The following CLEC16A variants were observed in gnomAD, a reference collection of about 807,000 sequenced individuals.
The protein encoded by CLEC16A is protein CLEC16A.
A neutral mutation model predicts 109.5 loss-of-function variants in CLEC16A; 51 were observed. The observed-to-expected ratio is 0.47, with a 90% CI of 0.37 to 0.59. The LOEUF is 0.59. Ranked by LOEUF, CLEC16A falls within the 20% of genes least tolerant of loss-of-function variation. CLEC16A has a pLI of 0.00. For synonymous variants in CLEC16A, 673 were observed against 564.2 expected, an observed-to-expected ratio of 1.19 and a Z score of -2.73; for missense variants, 1,339 against 1,394.0, an observed-to-expected ratio of 0.96 and a Z score of 0.63.
intron 22 of CLEC16A, chr16:11,157,174 T>A: frequency 7.9e-7 from 1 of 1,267,346 alleles, no homozygotes; most frequent in South Asian, 1.3e-5. Flanking sequence ...TTTTGTATGT[T>A]GGACATGTTA....
chr16:11,130,297 C>G (rs1016554263), intron 22 of CLEC16A, among the ~76,000 whole-genome samples: 1 of 152,194 alleles, frequency 6.6e-6, no homozygotes, highest in African/African-American at 2.4e-5. Context: ...AAGGCCTTCT[C>G]CCTTCTCTGA....
intron 13 of CLEC16A, among the ~76,000 whole-genome samples, chr16:11,034,876 A>G (rs1219354906): frequency 2.6e-5 from 4 of 152,180 alleles, no homozygotes; most frequent in Non-Finnish European, 5.9e-5. Flanking sequence ...TCTGTGACCA[A>G]AAACCACGGG....
intron 19 of CLEC16A, among the ~76,000 whole-genome samples, chr16:11,100,898 G>A (rs1207884870): frequency 6.6e-6 from 1 of 152,118 alleles, no homozygotes; most frequent in South Asian, 2.1e-4. Flanking sequence ...CATTGTGCTG[G>A]TACAGTTTAT....
chr16:11,178,734 G>T lies in CLEC16A; in HGVS notation c.*44G>T. ...CTTTGTGTGTGTGGCCCCGCTGGTA[G>T]GGACCCCAGTGCCGCTGACTGGCAA... On this transcript the variant is annotated 3_prime_UTR_variant, in exon 24 of 24. Coordinates refer to ENST00000409790, the MANE Select transcript of CLEC16A (RefSeq NM_015226.3). This position sits in a 1 kb window ranked among gnomAD's most constrained non-coding sequence, Gnocchi z 6.5. 7.2e-7 allele frequency: 1 copy of T among 1,393,672 alleles called. No individual in the cohort carries two copies. The highest frequency in any genetic ancestry group is 1.5e-5 in the South Asian group (1 of 67,728). The allele number at this position is 1,393,672 out of a possible 1,614,324, so 86.3% of individuals were successfully genotyped here.
chr16:11,051,649 A>T lies in CLEC16A; in HGVS notation c.1995+8A>T. On this transcript the variant is annotated splice_region_variant and intron_variant, in intron 18 of 23. Transcript: ENST00000409790. ...GTGGAGAAGACCCGGCGGGTGAGTG[A>T]GCACAGGACCTGTCATCTCCTGGGC... is the stretch of plus-strand genomic sequence containing the variant. 6.2e-7 allele frequency: 1 copy of T among 1,612,974 alleles called. No individual in the cohort carries two copies.
chr16:11,049,657 C>T (rs998099861), intron 17 of CLEC16A, among the ~76,000 whole-genome samples: 12 of 152,254 alleles, frequency 7.9e-5, no homozygotes, highest in African/African-American at 2.9e-4. Context: ...CCCTCCAAGG[C>T]CAGCTGCTGT....
chr16:11,068,149 A>C (rs953524811), intron 19 of CLEC16A, among the ~76,000 whole-genome samples: 3 of 152,178 alleles, frequency 2.0e-5, no homozygotes, highest in African/African-American at 7.2e-5. Flanking sequence ...GACTTTGGAC[A>C]AATCTATTCC....
At chr16:11,016,846 C>G (rs913087470) in intron 11 of CLEC16A, among the ~76,000 whole-genome samples, 10 of 152,180 alleles carry the variant, frequency 6.6e-5, no homozygotes, top group Non-Finnish European at 1.3e-4. Context: ...TGTCCACACA[C>G]CACTTAGAAA....
chr16:11,147,005 CAGGTGTCTGGGA>C (rs2054089078), intron 22 of CLEC16A, among the ~76,000 whole-genome samples: 1 of 152,098 alleles, frequency 6.6e-6, no homozygotes. Flanking sequence ...TGACCCAGAC[CAGGTGTCTGGGA>C]AGGCTTCTCT....
intron 10 of CLEC16A, among the ~76,000 whole-genome samples, chr16:10,987,335 G>A (rs559135604): frequency 1.3e-5 from 2 of 152,248 alleles, no homozygotes; most frequent in African/African-American, 2.4e-5. Flanking sequence ...TTATGTTTGA[G>A]CAAAAGCAAA....
At chr16:11,049,935 A>G (rs183592541) in intron 17 of CLEC16A, among the ~76,000 whole-genome samples, 9 of 152,304 alleles carry the variant, frequency 5.9e-5, no homozygotes, top group African/African-American at 1.9e-4. Flanking sequence ...TGTCCAAAAG[A>G]AGAAGGCAAG....
intron 19 of CLEC16A, among the ~76,000 whole-genome samples, chr16:11,080,016 A>G (rs1337011431): frequency 6.6e-6 from 1 of 152,178 alleles, no homozygotes; most frequent in Non-Finnish European, 1.5e-5. Context: ...CCTTCCTATC[A>G]TGGCATCTTG....
intron 19 of CLEC16A, among the ~76,000 whole-genome samples, chr16:11,098,180 A>C (rs2050713901): frequency 6.6e-6 from 1 of 152,238 alleles, no homozygotes; most frequent in South Asian, 2.1e-4. Flanking sequence ...CCTCTGCAGC[A>C]CGCACTAGCA....
At chr16:11,019,982 T>G (rs538650708) in intron 11 of CLEC16A, among the ~76,000 whole-genome samples, 16 of 152,368 alleles carry the variant, frequency 1.1e-4, no homozygotes, top group Non-Finnish European at 2.2e-4. Context: ...AACACGTTTC[T>G]TGGTGTTGCT....
chr16:11,179,701 A>C lies in CLEC16A; in HGVS notation c.*1011A>C, dbSNP rs963031031. The C allele has an allele frequency of 6.6e-6, 1 of 152,272 alleles. No homozygotes were observed. Among genetic ancestry groups the C allele is most frequent in the Admixed American group, 6.5e-5 (1 of 15,288 alleles). 9.4% of individuals were successfully genotyped at this position (152,272 alleles called of 1,614,324 possible). On this transcript the variant is annotated 3_prime_UTR_variant, in exon 24 of 24. Transcript: ENST00000409790. ...TGGAAATCAAAGGAAGACACCCTCT[A>C]CGTCACCTGCCCTCGACTGTGTGTG...
At chr16:10,994,536 G>C (rs941889030) in intron 10 of CLEC16A, among the ~76,000 whole-genome samples, 1 of 152,060 alleles carries the variant, frequency 6.6e-6, no homozygotes, top group African/African-American at 2.4e-5. Context: ...GTGACTTTTT[G>C]TCTCTGTGTT....
chr16:11,064,120 C>G (rs1469830276), intron 19 of CLEC16A, among the ~76,000 whole-genome samples: 2 of 152,184 alleles, frequency 1.3e-5, no homozygotes, highest in African/African-American at 4.8e-5. Flanking sequence ...TTTATTTTAT[C>G]TGCCCTTTCA....
chr16:11,141,658 C>T (rs1467973813), intron 22 of CLEC16A, among the ~76,000 whole-genome samples: 1 of 152,230 alleles, frequency 6.6e-6, no homozygotes, highest in Non-Finnish European at 1.5e-5. Context: ...TTGGAGACAG[C>T]AGTGCGGGGC....
Position 11,179,273 on chromosome 16 carries a change from A to C in CLEC16A, c.*583A>C, listed in dbSNP as rs2068885601. On this transcript the variant is annotated 3_prime_UTR_variant, in exon 24 of 24. Transcript: ENST00000409790. ...AAGATTTCATGATCATTTTCACTGGACCTTTCCTGATATTTTGTTTCAGAG... is the reference window on the plus strand; with the variant it reads ...AAGATTTCATGATCATTTTCACTGGCCCTTTCCTGATATTTTGTTTCAGAG... The C allele has an allele frequency of 6.6e-6, 1 of 152,228 alleles. No homozygotes were observed. Among genetic ancestry groups the C allele is most frequent in the African/African-American group, 2.4e-5 (1 of 41,434 alleles). The allele number at this position is 152,228 out of a possible 1,614,324, so 9.4% of individuals were successfully genotyped here.
Sources: gnomAD v4.1 joint callset for allele counts (sites outside exome capture counted in the v4.1 genomes callset) on GRCh38, gnomAD v4.1.1 for gene constraint, Gnocchi (gnomAD v3.1) non-coding constraint, MANE v1.5 for transcripts, NCBI Gene and HGNC (gene_info 2026-07-23, HGNC 2026-07-21) for gene names.